The following MARCHF1 variants were observed in gnomAD, a reference collection of about 807,000 sequenced individuals.
MARCHF1 encodes E3 ubiquitin-protein ligase MARCHF1.
In MARCHF1, 40 loss-of-function variants were observed where a neutral mutation model predicts 54.2. The ratio of observed to expected loss-of-function variants is 0.74; its 90% CI spans 0.57 to 0.96. MARCHF1 has a LOEUF of 0.96. Ranked by LOEUF, MARCHF1 falls within the 40% of genes least tolerant of loss-of-function variation. The pLI, the probability that MARCHF1 is intolerant of heterozygous loss-of-function variation, is 0.00. For missense variants in MARCHF1, 586 were observed against 656.5 expected (o/e 0.89, Z 1.17); for synonymous variants, 236 against 236.3 (o/e 1.00, Z 0.01).
At chr4:164,262,982 T>C (rs377046948) in intron 1 of MARCHF1, among the ~76,000 whole-genome samples, 5 of 152,310 alleles carry the variant, frequency 3.3e-5, no homozygotes, top group East Asian at 1.9e-4. Context: ...TTCCCCTTCC[T>C]AGTGTAATAA....
intron 3 of MARCHF1, among the ~76,000 whole-genome samples, chr4:163,919,551 T>G (rs1751379756): frequency 6.6e-6 from 1 of 151,998 alleles, no homozygotes; most frequent in Admixed American, 6.6e-5. Context: ...TTTGTGAAAT[T>G]AATATTTATA....
At chr4:163,540,288 AT>A (rs1450571170) in intron 9 of MARCHF1, among the ~76,000 whole-genome samples, 1 of 152,192 alleles carries the variant, frequency 6.6e-6, no homozygotes, top group Non-Finnish European at 1.5e-5. Flanking sequence ...GGCTGTGTGT[AT>A]TTACAGAAAG....
chr4:164,074,336 CCT>C (rs1189300137), intron 2 of MARCHF1, among the ~76,000 whole-genome samples: 2 of 152,072 alleles, frequency 1.3e-5, no homozygotes, highest in African/African-American at 4.8e-5. Flanking sequence ...GAGTAAGTAT[CCT>C]CTGTTTGCTC....
intron 1 of MARCHF1, among the ~76,000 whole-genome samples, chr4:164,216,684 C>T (rs1029185095): frequency 6.6e-6 from 1 of 152,064 alleles, no homozygotes; most frequent in African/African-American, 2.4e-5. Context: ...GAACACAGAG[C>T]TCATACTCTG....
At chr4:163,586,014 C>T in intron 7 of MARCHF1, 85 bp from the exon 8 acceptor site, 1 of 1,190,986 alleles carries the variant, frequency 8.4e-7, no homozygotes, top group Non-Finnish European at 1.1e-6. Flanking sequence ...TATACTAGGG[C>T]TATTATAAAC....
chr4:163,917,643 G>A (rs1471344979), intron 3 of MARCHF1, among the ~76,000 whole-genome samples: 1 of 151,902 alleles, frequency 6.6e-6, no homozygotes, highest in Non-Finnish European at 1.5e-5. Context: ...TAAGTTCCAG[G>A]GTACATGTGC....
chr4:164,174,604 A>T (rs1302902054), intron 1 of MARCHF1, among the ~76,000 whole-genome samples: 1 of 152,188 alleles, frequency 6.6e-6, no homozygotes, highest in Admixed American at 6.5e-5. Context: ...TTCTCTCTCC[A>T]GGTGCTAGAA....
At chr4:163,572,874 T>A (rs1739888541) in intron 8 of MARCHF1, among the ~76,000 whole-genome samples, 1 of 152,142 alleles carries the variant, frequency 6.6e-6, no homozygotes, top group South Asian at 2.1e-4. Context: ...GAATCTCTCA[T>A]GCTATGTATT....
chr4:164,137,528 C>A (rs147675729), intron 1 of MARCHF1, among the ~76,000 whole-genome samples: 4 of 152,066 alleles, frequency 2.6e-5, no homozygotes, highest in African/African-American at 9.6e-5. Context: ...GCGGAAAATG[C>A]GTTTCAGATT....
chr4:163,583,543 G>A (rs1265089978), intron 8 of MARCHF1: 2 of 151,722 alleles, frequency 1.3e-5, no homozygotes, highest in Admixed American at 1.3e-4. Flanking sequence ...ATTAATCAAA[G>A]AAGATATTTT....
intron 8 of MARCHF1, among the ~76,000 whole-genome samples, chr4:163,546,920 G>A (rs1174087478): frequency 6.6e-6 from 1 of 152,144 alleles, no homozygotes; most frequent in African/African-American, 2.4e-5. Context: ...GTTAGGAATT[G>A]TGTTTTTATT....
chr4:163,544,928 CA>C (rs1738846522), intron 9 of MARCHF1, among the ~76,000 whole-genome samples: 1 of 152,076 alleles, frequency 6.6e-6, no homozygotes, highest in African/African-American at 2.4e-5. Flanking sequence ...TTATAGGGCC[CA>C]ATGAGAAACA....
chr4:163,853,996 TG>T, intron 4 of MARCHF1, 24 bp downstream of exon 4: 1 of 1,534,496 alleles, frequency 6.5e-7, no homozygotes. Context: ...TAAGCCAATT[TG>T]AGGTAAAGTA....
chr4:163,861,304 A>G (rs1307853904), intron 3 of MARCHF1, among the ~76,000 whole-genome samples: 1 of 152,188 alleles, frequency 6.6e-6, no homozygotes, highest in African/African-American at 2.4e-5. Flanking sequence ...AACATCCAAG[A>G]ACTGTGGTAT....
At chr4:163,844,227 G>A (rs1266669809) in intron 4 of MARCHF1, among the ~76,000 whole-genome samples, 1 of 151,980 alleles carries the variant, frequency 6.6e-6, no homozygotes, top group African/African-American at 2.4e-5. Flanking sequence ...CATGAGGTAC[G>A]TGGTTTTCTG....
chr4:163,754,171 T>C (rs1746599947), intron 4 of MARCHF1, among the ~76,000 whole-genome samples: 1 of 152,198 alleles, frequency 6.6e-6, no homozygotes, highest in Non-Finnish European at 1.5e-5. Flanking sequence ...CCCAGATAGC[T>C]GCAATAGCTC....
At chr4:163,911,707 C>G (rs35710288) in intron 3 of MARCHF1, among the ~76,000 whole-genome samples, 81,866 of 151,928 alleles carry the variant, frequency 0.54, 23,219 homozygotes, top group Middle Eastern at 0.68. Flanking sequence ...TAAGGTAAAA[C>G]GATGTCATAT....
intron 1 of MARCHF1, among the ~76,000 whole-genome samples, chr4:164,242,734 A>T (rs1322961183): frequency 1.3e-5 from 2 of 152,178 alleles, no homozygotes; most frequent in Non-Finnish European, 2.9e-5. Context: ...CTTTGAAAAA[A>T]ATTTAGAAGA....
chr4:164,269,280 T>C (rs1733684818), intron 1 of MARCHF1, among the ~76,000 whole-genome samples: 1 of 152,176 alleles, frequency 6.6e-6, no homozygotes, highest in African/African-American at 2.4e-5. Context: ...GCTTATCCTG[T>C]AGGTGTCTCT....
Sources: allele counts gnomAD v4.1 joint callset (sites outside exome capture counted in the v4.1 genomes callset), GRCh38; gene constraint gnomAD v4.1.1; transcripts MANE v1.5; gene names NCBI Gene and HGNC (gene_info 2026-07-23, HGNC 2026-07-21).